The following DSCAM variants were observed in gnomAD, a reference collection of about 807,000 sequenced individuals.
DSCAM encodes the protein cell adhesion molecule DSCAM.
DSCAM carries 47 observed loss-of-function variants against 217.7 expected under a neutral mutation model. That is an observed-to-expected ratio of 0.22 (90% CI 0.17 to 0.28). The LOEUF is 0.28. Among genes scored for constraint, DSCAM ranks in the 10% least tolerant of loss-of-function variants. DSCAM has a pLI of 1.00. For missense variants in DSCAM, 2,080 were observed against 2,618.3 expected (o/e 0.79, Z 4.49); for synonymous variants, 1,056 against 1,015.3 (o/e 1.04, Z -0.76).
chr21:40,287,290 C>T (rs1168128867), intron 10 of DSCAM, among the ~76,000 whole-genome samples: 1 of 152,246 alleles, frequency 6.6e-6, no homozygotes, highest in Admixed American at 6.5e-5. Flanking sequence ...CTGACTTGGT[C>T]ATCTCACCAG....
chr21:40,661,096 T>A (rs2090134668), intron 3 of DSCAM, among the ~76,000 whole-genome samples: 1 of 152,194 alleles, frequency 6.6e-6, no homozygotes, highest in Non-Finnish European at 1.5e-5. Flanking sequence ...TGTTACATAG[T>A]TTCCACAGAA....
chr21:40,221,263 C>T (rs552620475), intron 11 of DSCAM, among the ~76,000 whole-genome samples: 13 of 152,108 alleles, frequency 8.5e-5, no homozygotes, highest in African/African-American at 2.6e-4. Context: ...CACCACACTA[C>T]CCAGCCTGCA....
At chr21:40,028,946 A>T (rs1221070366) in intron 32 of DSCAM, among the ~76,000 whole-genome samples, 3 of 152,218 alleles carry the variant, frequency 2.0e-5, no homozygotes, top group African/African-American at 7.2e-5. Flanking sequence ...CAAAGCAGGC[A>T]GCATTATCTA....
intron 3 of DSCAM, among the ~76,000 whole-genome samples, chr21:40,666,436 T>G (rs929837813): frequency 3.3e-5 from 5 of 152,140 alleles, no homozygotes; most frequent in Non-Finnish European, 7.4e-5. Flanking sequence ...GAGCTTGGGT[T>G]CCAGGTGGTC....
intron 1 of DSCAM, among the ~76,000 whole-genome samples, chr21:40,753,337 G>T (rs12482471): frequency 2.6e-5 from 4 of 152,084 alleles, no homozygotes; most frequent in Admixed American, 2.6e-4. Flanking sequence ...ACTAAAGAAA[G>T]AATTACAGTC....
chr21:40,491,207 T>G (rs2076073718), intron 3 of DSCAM, among the ~76,000 whole-genome samples: 1 of 152,230 alleles, frequency 6.6e-6, no homozygotes, highest in Admixed American at 6.5e-5. Flanking sequence ...GTGAAAAATC[T>G]ATTTTTCTCT....
intron 3 of DSCAM, among the ~76,000 whole-genome samples, chr21:40,526,482 T>A (rs907237228): frequency 1.3e-5 from 2 of 152,138 alleles, no homozygotes; most frequent in African/African-American, 4.8e-5. Flanking sequence ...AATGAGAATA[T>A]GAAACTGGAT....
chr21:40,307,417 A>T (rs2074090953), intron 9 of DSCAM, among the ~76,000 whole-genome samples: 1 of 152,114 alleles, frequency 6.6e-6, no homozygotes. Flanking sequence ...GGCAATCGTT[A>T]AAAAGTCAGG....
intron 8 of DSCAM, among the ~76,000 whole-genome samples, chr21:40,316,525 T>C (rs561431192): frequency 6.6e-6 from 1 of 152,328 alleles, no homozygotes; most frequent in Non-Finnish European, 1.5e-5. Flanking sequence ...CTGAACCTCC[T>C]ATTTGAGACA....
At chr21:40,681,489 C>CTTT (rs57356615) in intron 3 of DSCAM, among the ~76,000 whole-genome samples, 17,240 of 145,550 alleles carry the variant, frequency 0.12, 1,183 homozygotes, top group East Asian at 0.29. Flanking sequence ...CTTAAAAATG[C>CTTT]TTTTTTTTTT....
chr21:40,180,873 G>T (rs2090791914), intron 14 of DSCAM, among the ~76,000 whole-genome samples: 1 of 152,020 alleles, frequency 6.6e-6, no homozygotes, highest in Admixed American at 6.6e-5. Context: ...GGTGGGGACA[G>T]TCCCCTCTTG....
intron 32 of DSCAM, among the ~76,000 whole-genome samples, chr21:40,017,764 C>A (rs76829475): frequency 0.049 from 7,430 of 152,236 alleles, 226 homozygotes; most frequent in East Asian, 0.11. Flanking sequence ...GTTGGTCAGG[C>A]TGGTCTCATA....
intron 30 of DSCAM, among the ~76,000 whole-genome samples, chr21:40,047,567 G>C (rs2088862123): frequency 6.6e-6 from 1 of 152,198 alleles, no homozygotes; most frequent in Non-Finnish European, 1.5e-5. Flanking sequence ...TTTGGGATGA[G>C]AGAGGATTTT....
chr21:40,143,520 G>A (rs774652673), intron 17 of DSCAM, among the ~76,000 whole-genome samples: 3 of 152,204 alleles, frequency 2.0e-5, no homozygotes, highest in Non-Finnish European at 2.9e-5. Context: ...GGCCGGGCGC[G>A]GTGGCTCACG....
In DSCAM at chr21:40,534,200, T is replaced by A. The variant is rs552645227; in HGVS notation, c.508+158610A>T. On this transcript the variant is annotated intron_variant, in intron 3 of 32. Coordinates refer to ENST00000400454, the MANE Select transcript of DSCAM (RefSeq NM_001389.5). Reference sequence around the variant, plus strand: ...ATTTTTTTATGAAAATTGACTTTCATAACTAGAATAGAAAATTTGACCCCA... The same window carrying A: ...ATTTTTTTATGAAAATTGACTTTCAAAACTAGAATAGAAAATTTGACCCCA... Among the ~76,000 whole-genome samples the A allele has an allele frequency of 3.3e-5, 5 of 152,348 alleles. No individual in the cohort carries two copies. The East Asian group carries it at 9.6e-4, about 29-fold the overall frequency.
chr21:40,137,178 GAAAAAAAAA>G (rs34652896), intron 18 of DSCAM, among the ~76,000 whole-genome samples: 3 of 64,514 alleles, frequency 4.7e-5, no homozygotes, highest in South Asian at 1.3e-3. Context: ...CTGTCTCAAG[GAAAAAAAAA>G]AAAAAAAAAA....
chr21:40,617,579 G>C (rs186386713), intron 3 of DSCAM, among the ~76,000 whole-genome samples: 1 of 152,184 alleles, frequency 6.6e-6, no homozygotes, highest in Non-Finnish European at 1.5e-5. Context: ...CAAGCTTGGC[G>C]CTGTAGACAT....
intron 3 of DSCAM, among the ~76,000 whole-genome samples, chr21:40,408,909 A>AT: frequency 6.6e-6 from 1 of 152,310 alleles, no homozygotes. Flanking sequence ...CAAATAGTCC[A>AT]TTTTTAGTAT....
intron 21 of DSCAM, among the ~76,000 whole-genome samples, chr21:40,092,270 A>T (rs1457788372): frequency 2.6e-5 from 4 of 152,148 alleles, no homozygotes; most frequent in Admixed American, 2.6e-4. Flanking sequence ...AGGGGCCTGG[A>T]TGCCTGAATC....
Sources: allele counts gnomAD v4.1 joint callset (sites outside exome capture counted in the v4.1 genomes callset), GRCh38; gene constraint gnomAD v4.1.1; transcripts MANE v1.5; gene names NCBI Gene and HGNC (gene_info 2026-07-23, HGNC 2026-07-21).